Variants in HCN1 observed in about 807,000 individuals in gnomAD.
HCN1 encodes hyperpolarization activated cyclic nucleotide gated potassium channel 1, also known as potassium/sodium hyperpolarization-activated cyclic nucleotide-gated channel 1.
In HCN1, 13 loss-of-function variants were observed where a neutral mutation model predicts 78.9. That is an observed-to-expected ratio of 0.16 (90% CI 0.11 to 0.26). The LOEUF (loss-of-function observed/expected upper bound fraction) is 0.26, where lower values mean the gene tolerates loss of function less well. Ranked by LOEUF, HCN1 falls within the 10% of genes least tolerant of loss-of-function variation. HCN1 has a pLI of 1.00. For synonymous variants in HCN1, 552 were observed against 455.5 expected (o/e 1.21, Z -2.70); for missense variants, 810 against 1,154.3 (o/e 0.70, Z 4.32).
Position 45,498,254 on chromosome 5 carries a change from G to T in HCN1, c.850-36247C>A, listed in dbSNP as rs570443953. ...GATGTAGATTTGGTCTTTTCACATA[G>T]TCCCATATTTCTTGGAGGCTTTGCT... On this transcript the variant is annotated intron_variant, in intron 2 of 7. Transcript: ENST00000303230. 1.1e-4 allele frequency among the ~76,000 whole-genome samples: 17 copies of T among 152,198 alleles called. 1 individual carries two copies. The South Asian group carries it at 3.5e-3, about 32-fold the overall frequency.
rs1468507891 is a variant in HCN1 at position 45,583,153 on chromosome 5, C to A, written c.849+62032G>T. ...GAATTTGGCTGTGAATCCATCTGGT[C>A]CTGGACTTTATTTGGTTGGTAAGCT... On this transcript the variant is annotated intron_variant, in intron 2 of 7. Transcript: ENST00000303230. 3.3e-5 allele frequency among the ~76,000 whole-genome samples: 5 copies of A among 152,144 alleles called. No homozygotes were observed. In the East Asian group the frequency reaches 5.8e-4, roughly 18 times the overall value.
Position 45,641,129 on chromosome 5 carries a change from T to C in HCN1, c.849+4056A>G, listed in dbSNP as rs1580012908. Among the ~76,000 whole-genome samples the C allele has an allele frequency of 2.0e-5, 3 of 152,300 alleles. No individual in the cohort carries two copies. In the South Asian group the frequency reaches 6.2e-4, roughly 32 times the overall value. On this transcript the variant is annotated intron_variant, in intron 2 of 7. Coordinates refer to ENST00000303230, the MANE Select transcript of HCN1 (RefSeq NM_021072.4). ...GGCAGGTTTGGGAAAACTCTGCTGT[T>C]TGCTTATGGCAAGTCTTAGAATCCT...
intron 5 of HCN1, among the ~76,000 whole-genome samples, chr5:45,305,191 T>G (rs745976834): frequency 3.3e-5 from 5 of 152,148 alleles, no homozygotes; most frequent in Non-Finnish European, 7.3e-5. Context: ...GGAAATGTGC[T>G]ATACCGACCC....
At chr5:45,529,639 T>C (rs1460087862) in intron 2 of HCN1, among the ~76,000 whole-genome samples, 1 of 151,896 alleles carries the variant, frequency 6.6e-6, no homozygotes, top group Non-Finnish European at 1.5e-5. Context: ...GAATACCAAA[T>C]TAAAATAGAC....
At chr5:45,693,147 G>A (rs1168685573) in intron 1 of HCN1, among the ~76,000 whole-genome samples, 3 of 151,960 alleles carry the variant, frequency 2.0e-5, no homozygotes, top group African/African-American at 7.3e-5. Context: ...TCCTTTCCCT[G>A]TAGAAAAAAA....
At chr5:45,571,224 T>C (rs1251964383) in intron 2 of HCN1, among the ~76,000 whole-genome samples, 1 of 152,150 alleles carries the variant, frequency 6.6e-6, no homozygotes, top group African/African-American at 2.4e-5. Flanking sequence ...CTAGTACCCA[T>C]GTGATTCACG....
At chr5:45,392,476 C>T (rs1392111369) in intron 4 of HCN1, among the ~76,000 whole-genome samples, 1 of 152,032 alleles carries the variant, frequency 6.6e-6, no homozygotes, top group Non-Finnish European at 1.5e-5. Flanking sequence ...TTACATATTA[C>T]TCCTTTGTAT....
intron 5 of HCN1, among the ~76,000 whole-genome samples, chr5:45,335,152 A>G (rs1746427863): frequency 6.6e-6 from 1 of 151,972 alleles, no homozygotes; most frequent in Non-Finnish European, 1.5e-5. Flanking sequence ...AAAATAGATC[A>G]GTTCTGAACT....
At chr5:45,677,653 G>T (rs1243429601) in intron 1 of HCN1, among the ~76,000 whole-genome samples, 1 of 151,738 alleles carries the variant, frequency 6.6e-6, no homozygotes, top group East Asian at 1.9e-4. Flanking sequence ...GAATGAAAGG[G>T]TTACAGAAAT....
rs1744583654 is a variant in HCN1, at chr5:45,255,218, A to G, written c.*6703T>C. ...GGATGGTCCAGGATAAAATTATAACATAGGTGGTTTGTCGTTGCTTGTGTT... is the reference window on the plus strand; with the variant it reads ...GGATGGTCCAGGATAAAATTATAACGTAGGTGGTTTGTCGTTGCTTGTGTT... On this transcript the variant is annotated 3_prime_UTR_variant, in exon 8 of 8. Transcript: ENST00000303230. 1 of 152,186 alleles carries G rather than the reference A, an allele frequency of 6.6e-6. No homozygotes were observed. The highest frequency in any genetic ancestry group is 2.4e-5 in the African/African-American group (1 of 41,452). The allele number at this position is 152,186 out of a possible 1,614,324, so 9.4% of individuals were successfully genotyped here.
chr5:45,387,879 C>T (rs757520207), intron 4 of HCN1, among the ~76,000 whole-genome samples: 15 of 152,042 alleles, frequency 9.9e-5, no homozygotes, highest in African/African-American at 1.7e-4. Flanking sequence ...CAGTAAGAGA[C>T]GCACAATAAC....
At chr5:45,423,434 A>C (rs2112069464) in intron 3 of HCN1, among the ~76,000 whole-genome samples, 1 of 152,220 alleles carries the variant, frequency 6.6e-6, no homozygotes, top group African/African-American at 2.4e-5. Context: ...ATCACCCTTC[A>C]CAAAGCCTCC....
At chr5:45,285,652 G>T (rs1745253561) in intron 6 of HCN1, among the ~76,000 whole-genome samples, 1 of 151,712 alleles carries the variant, frequency 6.6e-6, no homozygotes, top group Non-Finnish European at 1.5e-5. Context: ...ATGTAGCCAA[G>T]ATCAATCACC....
At chr5:45,462,980 T>C (rs996859557) in intron 2 of HCN1, among the ~76,000 whole-genome samples, 8 of 152,040 alleles carry the variant, frequency 5.3e-5, no homozygotes, top group African/African-American at 1.4e-4. Flanking sequence ...AACTAAGTTT[T>C]GTTATAATTG....
chr5:45,473,709 A>T (rs1003228737), intron 2 of HCN1, among the ~76,000 whole-genome samples: 2 of 151,656 alleles, frequency 1.3e-5, no homozygotes, highest in African/African-American at 4.8e-5. Flanking sequence ...TTAGAAAATT[A>T]TGTTGACCTG....
intron 2 of HCN1, among the ~76,000 whole-genome samples, chr5:45,543,959 A>G (rs1446643589): frequency 6.6e-6 from 1 of 152,136 alleles, no homozygotes; most frequent in East Asian, 1.9e-4. Context: ...GTGAGTTGTA[A>G]AGAGATTAAG....
chr5:45,675,211 G>GC (rs1187343208), intron 1 of HCN1, among the ~76,000 whole-genome samples: 1 of 151,518 alleles, frequency 6.6e-6, no homozygotes, highest in Non-Finnish European at 1.5e-5. Flanking sequence ...TAGTAGCTTG[G>GC]CCCCCAATTC....
chr5:45,484,996 C>T (rs1022717640), intron 2 of HCN1, among the ~76,000 whole-genome samples: 1 of 152,092 alleles, frequency 6.6e-6, no homozygotes, highest in Non-Finnish European at 1.5e-5. Flanking sequence ...GTAAGCCTGG[C>T]CTTTTGAGCT....
chr5:45,610,643 G>T (rs1184597825), intron 2 of HCN1, among the ~76,000 whole-genome samples: 1 of 150,288 alleles, frequency 6.7e-6, no homozygotes, highest in Non-Finnish European at 1.5e-5. Flanking sequence ...TAGATTTAAT[G>T]ATATAATTTT....
Sources: gnomAD v4.1 joint callset for allele counts (sites outside exome capture counted in the v4.1 genomes callset) on GRCh38, gnomAD v4.1.1 for gene constraint, MANE v1.5 for transcripts, NCBI Gene and HGNC (gene_info 2026-07-23, HGNC 2026-07-21) for gene names.